Variants in NBEA observed in about 807,000 individuals in gnomAD.
NBEA encodes neurobeachin.
NBEA carries 44 observed loss-of-function variants against 343.4 expected under a neutral mutation model. That is an observed-to-expected ratio of 0.13 (90% confidence interval 0.10 to 0.16). NBEA has a LOEUF of 0.16. Among genes scored for constraint, NBEA ranks in the 10% least tolerant of loss-of-function variants. The pLI is 1.00. For missense variants in NBEA, 2,555 were observed against 3,631.3 expected, an observed-to-expected ratio of 0.70 and a Z score of 7.62; for synonymous variants, 1,175 against 1,238.7, an observed-to-expected ratio of 0.95 and a Z score of 1.08.
At chr13:35,409,744 GC>G (rs1490736728) in intron 38 of NBEA, among the ~76,000 whole-genome samples, 3 of 152,132 alleles carry the variant, frequency 2.0e-5, no homozygotes, top group African/African-American at 7.2e-5. Context: ...GAAAAGGAAG[GC>G]AGAAGGTAGC....
At chr13:35,485,241 T>G (rs1314247900) in intron 41 of NBEA, among the ~76,000 whole-genome samples, 3 of 152,100 alleles carry the variant, frequency 2.0e-5, no homozygotes, top group Admixed American at 2.0e-4. Flanking sequence ...CTTGGGAAGT[T>G]ATGTATTATT....
chr13:35,066,466 A>C (rs2063657237), intron 8 of NBEA, among the ~76,000 whole-genome samples: 1 of 151,878 alleles, frequency 6.6e-6, no homozygotes, highest in Admixed American at 6.6e-5. Context: ...ATGTATTTTG[A>C]TGCTTTGTTG....
intron 41 of NBEA, among the ~76,000 whole-genome samples, chr13:35,502,588 G>A (rs2076928590): frequency 6.6e-6 from 1 of 151,440 alleles, no homozygotes; most frequent in African/African-American, 2.4e-5. Context: ...TTCCACTAGT[G>A]AATGAACAGT....
chr13:35,337,489 C>T (rs904389751), intron 36 of NBEA, among the ~76,000 whole-genome samples: 2 of 151,946 alleles, frequency 1.3e-5, no homozygotes, highest in Admixed American at 1.3e-4. Context: ...CAAGAGACCC[C>T]TAAAATATAT....
intron 35 of NBEA, among the ~76,000 whole-genome samples, chr13:35,304,840 T>C (rs2036790578): frequency 6.6e-6 from 1 of 152,194 alleles, no homozygotes; most frequent in Admixed American, 6.5e-5. Flanking sequence ...TGAGATCCAC[T>C]GGTCGAAATC....
rs2069647715 is a variant in NBEA at position 35,162,541 on chromosome 13, CTCT to C, written c.4079+580_4079+582del. ...AGGCAGAGATGACTCTTCTTCCTTCCTCTTCTTCCTGTTTTTCCTCTGCCTCCT... is the reference window on the plus strand; with the variant it reads ...AGGCAGAGATGACTCTTCTTCCTTCCTCTTCCTGTTTTTCCTCTGCCTCCT... On this transcript the variant is annotated intron_variant, in intron 23 of 58. Transcript: ENST00000379939. Among the ~76,000 whole-genome samples, 3 of 152,174 alleles carry C rather than the reference CTCT, an allele frequency of 2.0e-5. 1 individual carries two copies. The South Asian group carries it at 6.2e-4, about 32-fold the overall frequency.
chr13:35,168,565 A>G (rs1295925458), intron 24 of NBEA, among the ~76,000 whole-genome samples: 1 of 151,584 alleles, frequency 6.6e-6, no homozygotes, highest in African/African-American at 2.4e-5. Flanking sequence ...AGAGGTTGGT[A>G]TAAATAGTTC....
At chr13:35,535,275 T>G (rs1315194877) in intron 41 of NBEA, among the ~76,000 whole-genome samples, 1 of 152,222 alleles carries the variant, frequency 6.6e-6, no homozygotes, top group African/African-American at 2.4e-5. Context: ...ATTGTGTAGT[T>G]GAAGCATGAA....
chr13:35,071,685 G>A (rs1019992676), intron 10 of NBEA, among the ~76,000 whole-genome samples: 3 of 151,752 alleles, frequency 2.0e-5, no homozygotes, highest in African/African-American at 7.3e-5. Context: ...TCCTTAATGG[G>A]TTATCTAATT....
intron 40 of NBEA, among the ~76,000 whole-genome samples, chr13:35,456,919 T>A (rs2046609012): frequency 6.6e-6 from 1 of 151,704 alleles, no homozygotes; most frequent in African/African-American, 2.4e-5. Flanking sequence ...TAAATTGTAA[T>A]AATTTTTTTT....
At chr13:35,520,553 G>C (rs1340096041) in intron 41 of NBEA, among the ~76,000 whole-genome samples, 8 of 152,084 alleles carry the variant, frequency 5.3e-5, no homozygotes, top group Non-Finnish European at 1.0e-4. Flanking sequence ...GAGTATCCAG[G>C]GTTACAGGAG....
At position 35,606,389 on chromosome 13, in the gene NBEA, A is replaced by G. The variant is rs1288389986; in HGVS notation, c.7297-37A>G. On this transcript the variant is annotated intron_variant, in intron 47 of 58. Coordinates refer to ENST00000379939, the MANE Select transcript of NBEA (RefSeq NM_001385012.1). ...ATAGTTTTATTCAACTGATTTTTAT[A>G]AAGTGGTTTAATATGCTTCATTTTT... is the stretch of plus-strand genomic sequence containing the variant. The G allele has an allele frequency of 2.4e-6, 3 of 1,234,430 alleles. No individual in the cohort carries two copies. The African/African-American group carries it at 4.6e-5, about 19-fold the overall frequency. The allele number at this position is 1,234,430 out of a possible 1,614,324, so 76.5% of individuals were successfully genotyped here.
chr13:35,227,727 T>G lies in NBEA; in HGVS notation c.5649-4765T>G, dbSNP rs550508353. 2.0e-5 allele frequency among the ~76,000 whole-genome samples: 3 copies of G among 152,006 alleles called. No homozygotes were observed. The South Asian group carries it at 6.2e-4, about 31-fold the overall frequency. The stretch of plus-strand genomic sequence containing the variant: ...TATTTGTGACATTGTGCTAAGTACC[T>G]AGGAGAATACAAAAAGTAAATAAAA... On this transcript the variant is annotated intron_variant, in intron 33 of 58. Transcript: ENST00000379939.
intron 47 of NBEA, among the ~76,000 whole-genome samples, chr13:35,598,217 A>G (rs1157002766): frequency 6.6e-6 from 1 of 152,132 alleles, no homozygotes; most frequent in East Asian, 1.9e-4. Context: ...TTCGGTAGAA[A>G]CTCCATTCAG....
intron 41 of NBEA, among the ~76,000 whole-genome samples, chr13:35,481,097 G>A (rs1426084622): frequency 5.9e-5 from 9 of 151,930 alleles, no homozygotes; most frequent in African/African-American, 2.2e-4. Flanking sequence ...TCACTTGACT[G>A]ATAAAGGCCT....
intron 6 of NBEA, among the ~76,000 whole-genome samples, chr13:35,053,327 A>C (rs762154590): frequency 6.6e-6 from 1 of 152,052 alleles, no homozygotes; most frequent in Non-Finnish European, 1.5e-5. Context: ...AGTTTTGTCA[A>C]GCATCTGTGC....
intron 49 of NBEA, among the ~76,000 whole-genome samples, chr13:35,630,956 C>T (rs535159543): frequency 6.6e-6 from 1 of 152,172 alleles, no homozygotes; most frequent in Non-Finnish European, 1.5e-5. Context: ...ACCATTCCCC[C>T]CTCTAACATA....
intron 53 of NBEA, among the ~76,000 whole-genome samples, chr13:35,654,283 C>T (rs2153081300): frequency 6.6e-6 from 1 of 152,288 alleles, no homozygotes; most frequent in African/African-American, 2.4e-5. Context: ...TCCTCCCCTG[C>T]TAGCCCTTTC....
intron 35 of NBEA, among the ~76,000 whole-genome samples, chr13:35,296,766 T>A (rs951120303): frequency 1.3e-5 from 2 of 152,076 alleles, no homozygotes; most frequent in African/African-American, 4.8e-5. Flanking sequence ...ATTTCACACT[T>A]TTACTTCTAG....
Sources: allele counts gnomAD v4.1 joint callset (sites outside exome capture counted in the v4.1 genomes callset), GRCh38; gene constraint gnomAD v4.1.1; transcripts MANE v1.5; gene names NCBI Gene and HGNC (gene_info 2026-07-23, HGNC 2026-07-21).